SPATA31F1: variants seen among roughly 807,000 people sequenced by gnomAD.
The protein encoded by SPATA31F1 is SPATA31 subfamily F member 1.
chr9:34,726,918 T>A, the SPATA31F1 span: 1 of 1,551,718 alleles, frequency 6.4e-7, no homozygotes, highest in Non-Finnish European at 8.7e-7. Flanking sequence ...GCCACAGAAT[T>A]GCAGATTTGG....
the SPATA31F1 span, chr9:34,724,907 C>T: frequency 2.1e-5 from 32 of 1,550,306 alleles, no homozygotes; most frequent in African/African-American, 5.5e-5. Context: ...ATGCTTGTGC[C>T]GTAAAGTTGT....
the SPATA31F1 span, chr9:34,724,984 T>C: frequency 1.3e-6 from 2 of 1,551,964 alleles, no homozygotes; most frequent in South Asian, 1.2e-5. Flanking sequence ...TGACAGTACC[T>C]GGTAAAGCCT....
the SPATA31F1 span, chr9:34,723,828 G>C: frequency 2.6e-6 from 4 of 1,551,732 alleles, no homozygotes; most frequent in Non-Finnish European, 3.5e-6. Context: ...CTGTCTTGCA[G>C]GTCCTTCTCA....
At chr9:34,725,989 T>C in the SPATA31F1 span, 7 of 1,547,374 alleles carry the variant, frequency 4.5e-6, no homozygotes, top group South Asian at 8.3e-5. Flanking sequence ...AGTCATTATC[T>C]TGTCCCCCAG....
At chr9:34,723,238 T>G in the SPATA31F1 span, 2 of 1,551,296 alleles carry the variant, frequency 1.3e-6, no homozygotes, top group Non-Finnish European at 1.7e-6. Flanking sequence ...GGAGCTAGGT[T>G]GGGTGCCCTG....
At chr9:34,727,083 G>A in the SPATA31F1 span, 1 of 1,467,734 alleles carries the variant, frequency 6.8e-7, no homozygotes, top group Non-Finnish European at 9.0e-7. Flanking sequence ...TCCCAGTCCT[G>A]AAAACCCTGG....
the SPATA31F1 span, chr9:34,724,640 T>C: frequency 1.3e-6 from 2 of 1,532,718 alleles, no homozygotes; most frequent in South Asian, 2.4e-5. Context: ...AGGCAGCGTC[T>C]CCATTGTTCC....
chr9:34,725,029 C>T, the SPATA31F1 span: 3 of 1,551,926 alleles, frequency 1.9e-6, no homozygotes, highest in East Asian at 2.4e-5. Context: ...GCATCCAGGG[C>T]ATAACTTTGT....
At chr9:34,725,696 G>A in the SPATA31F1 span, 1 of 1,529,442 alleles carries the variant, frequency 6.5e-7, no homozygotes. Flanking sequence ...CTCAGCCAGA[G>A]TCAGAAATGG....
the SPATA31F1 span, chr9:34,723,296 G>T: frequency 4.7e-5 from 73 of 1,551,694 alleles, 1 homozygote; most frequent in South Asian, 7.6e-4. Context: ...GCAGTGGCGG[G>T]GGTAGCCCAG....
chr9:34,726,122 C>CAGA, the SPATA31F1 span: 7 of 1,455,464 alleles, frequency 4.8e-6, no homozygotes, highest in African/African-American at 1.0e-4. Flanking sequence ...TTCAGAAACC[C>CAGA]AGAAGGTCTG....
At chr9:34,726,374 G>T in the SPATA31F1 span, 2 of 1,548,312 alleles carry the variant, frequency 1.3e-6, no homozygotes, top group Admixed American at 3.9e-5. Context: ...CAGCACTTCA[G>T]GACTGAGAAA....
At chr9:34,726,016 A>C in the SPATA31F1 span, 1 of 1,542,306 alleles carries the variant, frequency 6.5e-7, no homozygotes, top group Non-Finnish European at 8.8e-7. Context: ...GATGGGGGCC[A>C]CTTAGGGCTT....
chr9:34,728,886 C>A, the SPATA31F1 span, among the ~76,000 whole-genome samples: 1 of 152,126 alleles, frequency 6.6e-6, no homozygotes, highest in Non-Finnish European at 1.5e-5. Context: ...CCATCTGATT[C>A]ACAGAGAAGT....
the SPATA31F1 span, chr9:34,726,850 C>T: frequency 1.3e-4 from 203 of 1,551,772 alleles, no homozygotes; most frequent in African/African-American, 4.5e-4. Context: ...GCAATGGCCC[C>T]GATAAAGTCA....
At chr9:34,723,487 T>C in the SPATA31F1 span, 12 of 1,551,702 alleles carry the variant, frequency 7.7e-6, no homozygotes, top group Admixed American at 7.8e-5. Context: ...CCAGGCTCTT[T>C]GCAACATTTT....
chr9:34,724,161 G>A, the SPATA31F1 span: 2 of 1,550,834 alleles, frequency 1.3e-6, no homozygotes, highest in Non-Finnish European at 1.7e-6. Flanking sequence ...TGAGGCTCAG[G>A]GCCACAGGGT....
chr9:34,723,412 T>C, the SPATA31F1 span: 2 of 1,551,736 alleles, frequency 1.3e-6, no homozygotes, highest in Non-Finnish European at 8.7e-7. Context: ...CAGGACGAGA[T>C]TGGGCCTTGG....
At chr9:34,725,141 C>T in the SPATA31F1 span, 6 of 1,546,386 alleles carry the variant, frequency 3.9e-6, no homozygotes, top group Non-Finnish European at 5.2e-6. Context: ...TCTGCAGTCC[C>T]AGGACCTGTG....
Sources: allele counts gnomAD v4.1 joint callset (sites outside exome capture counted in the v4.1 genomes callset), GRCh38; gene constraint gnomAD v4.1.1; transcripts MANE v1.5; gene names NCBI Gene and HGNC (gene_info 2026-07-23, HGNC 2026-07-21).